Variants in IL33 observed in about 807,000 individuals in gnomAD.
The protein encoded by IL33 is interleukin 33.
In IL33, 37 loss-of-function variants were observed where a neutral mutation model predicts 27.3. That is an observed-to-expected ratio of 1.36 (90% CI 1.04 to 1.78). The LOEUF is 1.78. Ranked by LOEUF, IL33 falls within the 40% of genes most tolerant of loss-of-function variation. The pLI is 0.00. For missense variants in IL33, 406 were observed against 311.4 expected, an observed-to-expected ratio of 1.30 and a Z score of -2.29; for synonymous variants, 132 against 102.9, an observed-to-expected ratio of 1.28 and a Z score of -1.71.
intron 4 of IL33, 67 bp from the exon 5 acceptor site, chr9:6,252,799 G>C (rs1816479491): frequency 5.7e-6 from 9 of 1,578,654 alleles, no homozygotes; most frequent in Non-Finnish European, 7.7e-6. Context: ...TGTTTTTTGA[G>C]GGAGCATTTT....
chr9:6,246,096 A>G (rs901337917), intron 2 of IL33, among the ~76,000 whole-genome samples: 3 of 110,650 alleles, frequency 2.7e-5, no homozygotes, highest in African/African-American at 1.0e-4. Context: ...AAAAAAAAAA[A>G]AGAATTGGGT....
chr9:6,231,103 T>C (rs1587622669), intron 1 of IL33, among the ~76,000 whole-genome samples: 1 of 152,346 alleles, frequency 6.6e-6, no homozygotes, highest in East Asian at 1.9e-4. Flanking sequence ...TCTGAATTAA[T>C]GCAGACTCCT....
At chr9:6,243,613 C>G (rs939831750) in intron 2 of IL33, among the ~76,000 whole-genome samples, 1 of 152,192 alleles carries the variant, frequency 6.6e-6, no homozygotes, top group East Asian at 1.9e-4. Flanking sequence ...CCTCAGCCTC[C>G]CAAAGTGCTG....
chr9:6,253,084 C>G, intron 5 of IL33, 93 bp downstream of exon 5: 4 of 903,040 alleles, frequency 4.4e-6, no homozygotes, highest in Non-Finnish European at 4.9e-6. Context: ...AATGGATTAA[C>G]TTAGACATGG....
At chr9:6,243,047 A>G (rs1319665307) in intron 2 of IL33, among the ~76,000 whole-genome samples, 1 of 152,178 alleles carries the variant, frequency 6.6e-6, no homozygotes. Context: ...CTCTTGTGAG[A>G]ATGGCACCAA....
At chr9:6,235,602 A>G (rs959798600) in intron 1 of IL33, among the ~76,000 whole-genome samples, 1 of 152,214 alleles carries the variant, frequency 6.6e-6, no homozygotes, top group Non-Finnish European at 1.5e-5. Context: ...CACAGGGGAA[A>G]AAGTTGTAAC....
chr9:6,241,929 G>T, intron 2 of IL33, 144 bp downstream of exon 2: 2 of 622,578 alleles, frequency 3.2e-6, no homozygotes, highest in Non-Finnish European at 5.4e-6. Flanking sequence ...GCACATAAGG[G>T]TATAATACAG....
At chr9:6,254,599 CTG>C (rs1816618342) in intron 7 of IL33, 46 bp downstream of exon 7, 1 of 1,175,928 alleles carries the variant, frequency 8.5e-7, no homozygotes, top group African/African-American at 1.6e-5. Context: ...GATTACAGAA[CTG>C]TCATGAATGA....
At chr9:6,235,184 G>A (rs1017457315) in intron 1 of IL33, among the ~76,000 whole-genome samples, 2 of 152,062 alleles carry the variant, frequency 1.3e-5, no homozygotes, top group East Asian at 1.9e-4. Flanking sequence ...AAGACTGCAC[G>A]TGCACACCAC....
At chr9:6,232,427 C>G (rs1818970405) in intron 1 of IL33, among the ~76,000 whole-genome samples, 1 of 152,120 alleles carries the variant, frequency 6.6e-6, no homozygotes. Flanking sequence ...ATTATTATTT[C>G]TTGACAGATT....
At chr9:6,245,246 G>C (rs1819765892) in intron 2 of IL33, among the ~76,000 whole-genome samples, 2 of 152,072 alleles carry the variant, frequency 1.3e-5, no homozygotes, top group Non-Finnish European at 2.9e-5. Context: ...TTCTAATTGA[G>C]TCAATTTTTA....
Position 6,255,730 on chromosome 9 carries a change from C to T in IL33, c.613-238C>T, listed in dbSNP as rs1816687484. On this transcript the variant is annotated intron_variant, in intron 7 of 7. Transcript: ENST00000682010. ...CAGAACTGTTGCATCCAGATCCAATCACCCTAATCCATACTGCCTCTCTAT... is the reference window on the plus strand; with the variant it reads ...CAGAACTGTTGCATCCAGATCCAATTACCCTAATCCATACTGCCTCTCTAT... 2.6e-5 allele frequency among the ~76,000 whole-genome samples: 4 copies of T among 152,106 alleles called. No homozygotes were observed. The South Asian group carries it at 8.3e-4, about 32-fold the overall frequency.
intron 2 of IL33, among the ~76,000 whole-genome samples, chr9:6,242,006 T>C (rs1312598814): frequency 2.6e-5 from 4 of 152,332 alleles, no homozygotes; most frequent in African/African-American, 9.6e-5. Flanking sequence ...CAGGCAGGAA[T>C]AGCTGAGATA....
rs996602297 is a variant in IL33, at chr9:6,251,208, T to C, written c.286T>C (p.Phe96Leu). ...GCAGTCTACTGTGGAGTGCTTTGCC[T>C]TTGGTATATCAGGGGTCCAGAAATA... ...QQQSTVECFA[F>L]GISGVQKYTR... Residue 96 changes from phenylalanine (F) to leucine (L), a missense_variant, in exon 4 of 8, where the codon TTT becomes CTT. Physicochemically the swap from Phe to Leu is conservative, Grantham distance 22. Coordinates refer to ENST00000682010, the MANE Select transcript of IL33 (RefSeq NM_033439.4). The C allele has an allele frequency of 2.5e-6, 4 of 1,613,922 alleles. No homozygotes were observed. The highest frequency in any genetic ancestry group is 3.4e-6 in the Non-Finnish European group (4 of 1,179,924).
At chr9:6,252,739 C>T in intron 4 of IL33, 127 bp from the exon 5 acceptor site, 1 of 1,092,690 alleles carries the variant, frequency 9.2e-7, no homozygotes, top group Non-Finnish European at 1.3e-6. Context: ...GTATCAAAGG[C>T]TTTAATCTAG....
At chr9:6,255,688 AAAG>A (rs1564077301) in intron 7 of IL33, among the ~76,000 whole-genome samples, 1 of 152,168 alleles carries the variant, frequency 6.6e-6, no homozygotes, top group Non-Finnish European at 1.5e-5. Flanking sequence ...GTACATGTCA[AAAG>A]AAGGGTACAA....
chr9:6,220,942 T>C (rs1373865398), intron 1 of IL33, among the ~76,000 whole-genome samples: 1 of 152,048 alleles, frequency 6.6e-6, no homozygotes, highest in African/African-American at 2.4e-5. Flanking sequence ...TTTGTAGAAA[T>C]GAGGTCTCAC....
Position 6,251,132 on chromosome 9 carries a change from G to C in IL33, c.218-8G>C. 6.2e-7 allele frequency: 1 copy of C among 1,613,206 alleles called. No homozygotes were observed. Among genetic ancestry groups the C allele is most frequent in the African/African-American group, 1.3e-5 (1 of 74,992 alleles). ...GATGGTCTATCCCTAATCCCATCCG[G>C]TCTGCAGGTAGAAAGCACAAAAGAC... On this transcript the variant is annotated splice_region_variant and splice_polypyrimidine_tract_variant and intron_variant, in intron 3 of 7. Transcript: ENST00000682010.
chr9:6,218,715 T>C (rs1370826041), intron 1 of IL33, among the ~76,000 whole-genome samples: 4 of 138,264 alleles, frequency 2.9e-5, no homozygotes, highest in South Asian at 2.3e-4. Flanking sequence ...GTTCTCCATA[T>C]ATATATATGT....
Sources: allele counts gnomAD v4.1 joint callset (sites outside exome capture counted in the v4.1 genomes callset), GRCh38; gene constraint gnomAD v4.1.1; transcripts MANE v1.5; gene names NCBI Gene and HGNC (gene_info 2026-07-23, HGNC 2026-07-21).